Variants in ADGRV1 observed in about 807,000 individuals in gnomAD.
ADGRV1 encodes the protein adhesion G protein-coupled receptor V1.
In ADGRV1, 359 loss-of-function variants were observed where a neutral mutation model predicts 596.2. That is an observed-to-expected ratio of 0.60 (90% CI 0.55 to 0.66). ADGRV1 has a LOEUF of 0.66. Ranked by LOEUF, ADGRV1 falls within the 30% of genes least tolerant of loss-of-function variation. The pLI, the probability that ADGRV1 is intolerant of heterozygous loss-of-function variation, is 0.00. For synonymous variants in ADGRV1, 2,681 were observed against 2,679.2 expected (o/e 1.00, Z -0.02); for missense variants, 7,274 against 7,575.6 (o/e 0.96, Z 1.48).
At chr5:90,853,686 GA>G (rs1766752871) in intron 80 of ADGRV1, among the ~76,000 whole-genome samples, 153 bp downstream of exon 80, 1 of 152,182 alleles carries the variant, frequency 6.6e-6, no homozygotes, top group Non-Finnish European at 1.5e-5. Flanking sequence ...ACTATTTGTA[GA>G]AAGTTTAGTT....
chr5:90,900,919 A>G (rs1440433738), intron 83 of ADGRV1, among the ~76,000 whole-genome samples: 1 of 150,696 alleles, frequency 6.6e-6, no homozygotes, highest in African/African-American at 2.5e-5. Flanking sequence ...ATAAATCATT[A>G]TTAATATTTT....
At chr5:90,801,546 G>A (rs1050704598) in intron 70 of ADGRV1, among the ~76,000 whole-genome samples, 3 of 150,474 alleles carry the variant, frequency 2.0e-5, no homozygotes, top group Admixed American at 6.6e-5. Flanking sequence ...TTTTTTTTTA[G>A]CACTTGACCC....
At chr5:90,686,667 A>G (rs573984596) in intron 29 of ADGRV1, among the ~76,000 whole-genome samples, 5 of 152,298 alleles carry the variant, frequency 3.3e-5, no homozygotes, top group South Asian at 2.1e-4. Context: ...TAGTGCCGCA[A>G]TAAACATACG....
At chr5:90,779,901 T>A (rs1485978917) in intron 64 of ADGRV1, 1 of 152,220 alleles carries the variant, frequency 6.6e-6, no homozygotes. Flanking sequence ...AAAAACTTTT[T>A]AAACTAAAAT....
intron 21 of ADGRV1, among the ~76,000 whole-genome samples, chr5:90,664,011 T>C (rs1233546559): frequency 7.0e-6 from 1 of 142,416 alleles, no homozygotes; most frequent in Non-Finnish European, 1.5e-5. Flanking sequence ...TTTTGGTTAC[T>C]GTAGCCTTGT....
chr5:90,753,429 T>C, intron 53 of ADGRV1, 145 bp from the exon 54 acceptor site: 1 of 574,920 alleles, frequency 1.7e-6, no homozygotes, highest in Non-Finnish European at 3.0e-6. Flanking sequence ...AGACATCTGA[T>C]TTGTAGAATC....
At chr5:91,055,115 G>A (rs545040565) in intron 85 of ADGRV1, among the ~76,000 whole-genome samples, 1 of 152,252 alleles carries the variant, frequency 6.6e-6, no homozygotes, top group Admixed American at 6.5e-5. Context: ...CACCAACCCA[G>A]AGCCTTCACA....
intron 79 of ADGRV1, 23 bp from the exon 80 acceptor site, chr5:90,853,261 G>C: frequency 6.3e-7 from 1 of 1,575,284 alleles, no homozygotes; most frequent in Non-Finnish European, 8.6e-7. Context: ...CATTTTTACA[G>C]ACCCTTTGCT....
At chr5:91,005,389 G>T (rs976112470) in intron 85 of ADGRV1, among the ~76,000 whole-genome samples, 6 of 151,852 alleles carry the variant, frequency 4.0e-5, no homozygotes, top group African/African-American at 1.2e-4. Flanking sequence ...TTTTTTTGAA[G>T]TGCAGTGGCG....
At chr5:90,567,338 G>T (rs1175863956) in intron 1 of ADGRV1, among the ~76,000 whole-genome samples, 2 of 151,826 alleles carry the variant, frequency 1.3e-5, no homozygotes, top group African/African-American at 2.4e-5. Flanking sequence ...AAATGGTTTG[G>T]GAAGTCTTGT....
At chr5:90,970,494 C>G (rs1447001855) in intron 84 of ADGRV1, among the ~76,000 whole-genome samples, 2 of 151,590 alleles carry the variant, frequency 1.3e-5, no homozygotes, top group African/African-American at 2.4e-5. Flanking sequence ...AGACTGACAC[C>G]TCACATGGCC....
At chr5:90,706,882 G>T (rs1005485014) in intron 38 of ADGRV1, among the ~76,000 whole-genome samples, 2 of 151,740 alleles carry the variant, frequency 1.3e-5, no homozygotes, top group African/African-American at 4.8e-5. Flanking sequence ...TGTTGTTGTT[G>T]TTGTTTTAAT....
intron 31 of ADGRV1, 66 bp from the exon 32 acceptor site, chr5:90,692,539 T>C: frequency 7.7e-7 from 1 of 1,299,822 alleles, no homozygotes. Context: ...TTTTTTTCCC[T>C]TGAATCATTT....
chr5:90,797,337 A>G (rs1240615524), intron 70 of ADGRV1, among the ~76,000 whole-genome samples: 1 of 148,368 alleles, frequency 6.7e-6, no homozygotes, highest in Non-Finnish European at 1.5e-5. Flanking sequence ...CTAATCTCTG[A>G]TGAAACAGAC....
At chr5:90,680,508 A>G (rs994659056) in intron 26 of ADGRV1, among the ~76,000 whole-genome samples, 3 of 152,186 alleles carry the variant, frequency 2.0e-5, no homozygotes, top group Non-Finnish European at 2.9e-5. Context: ...TTTACCTCAA[A>G]TATTTTTTTC....
chr5:90,812,217 C>T (rs972280626), intron 74 of ADGRV1, among the ~76,000 whole-genome samples: 4 of 152,036 alleles, frequency 2.6e-5, no homozygotes, highest in Non-Finnish European at 5.9e-5. Flanking sequence ...TGAGCCACTG[C>T]ACCCGGCCTG....
At chr5:90,819,847 T>A (rs1285984975) in intron 75 of ADGRV1, among the ~76,000 whole-genome samples, 19 of 152,240 alleles carry the variant, frequency 1.2e-4, no homozygotes, top group East Asian at 9.7e-4. Flanking sequence ...TACGTGGTCA[T>A]TTTTGGAATA....
chr5:90,906,836 T>G (rs1772369543), intron 83 of ADGRV1, among the ~76,000 whole-genome samples: 1 of 152,184 alleles, frequency 6.6e-6, no homozygotes, highest in Non-Finnish European at 1.5e-5. Context: ...ATTTGAATTT[T>G]TTTGCTTTCC....
intron 85 of ADGRV1, among the ~76,000 whole-genome samples, chr5:91,025,338 A>ATT (rs34385706): frequency 4.7e-5 from 7 of 148,056 alleles, no homozygotes; most frequent in African/African-American, 1.2e-4. Flanking sequence ...CAAAAGGAAG[A>ATT]TTTTTTTTTT....
Sources: gnomAD v4.1 joint callset for allele counts (sites outside exome capture counted in the v4.1 genomes callset) on GRCh38, gnomAD v4.1.1 for gene constraint, MANE v1.5 for transcripts, NCBI Gene and HGNC (gene_info 2026-07-23, HGNC 2026-07-21) for gene names.